Variants in PPIH observed in about 807,000 individuals in gnomAD.
PPIH encodes the protein peptidylprolyl isomerase H, also known as peptidyl-prolyl cis-trans isomerase H.
In PPIH, 16 loss-of-function variants were observed where a neutral mutation model predicts 27.6. The observed-to-expected ratio is 0.58, with a 90% CI of 0.39 to 0.88. The LOEUF (loss-of-function observed/expected upper bound fraction) is 0.88, where lower values mean the gene tolerates loss of function less well. PPIH is among the 40% of genes least tolerant of loss of function. The probability of loss-of-function intolerance (pLI) is 0.00; values close to 1 mark genes in which losing one functional copy is unlikely to be tolerated. For synonymous variants in PPIH, 63 were observed against 76.1 expected, an observed-to-expected ratio of 0.83 and a Z score of 0.90; for missense variants, 155 against 224.1, an observed-to-expected ratio of 0.69 and a Z score of 1.97.
At chr1:42,672,358 T>A (rs937400021) in intron 9 of PPIH, among the ~76,000 whole-genome samples, 4 of 151,996 alleles carry the variant, frequency 2.6e-5, no homozygotes, top group Non-Finnish European at 5.9e-5. Flanking sequence ...AGTCTATCTT[T>A]TAATTGAGAA....
At chr1:42,677,317 T>TTAAAA (rs111580362), downstream of PPIH, among the ~76,000 whole-genome samples, 1 of 151,194 alleles carries the variant, frequency 6.6e-6, no homozygotes, top group African/African-American at 2.4e-5. Flanking sequence ...CTACTAAAAA[T>TTAAAA]AAATTAGCTG....
chr1:42,662,796 G>A (rs1344765351), intron 5 of PPIH, among the ~76,000 whole-genome samples: 2 of 152,018 alleles, frequency 1.3e-5, no homozygotes, highest in African/African-American at 4.8e-5. Context: ...TGGCATTTTG[G>A]TTTACAGTTG....
At chr1:42,665,255 A>G (rs1403384095) in intron 6 of PPIH, among the ~76,000 whole-genome samples, 2 of 152,124 alleles carry the variant, frequency 1.3e-5, no homozygotes, top group Non-Finnish European at 2.9e-5. Flanking sequence ...AATACAAAAA[A>G]TTAGCCAGGT....
chr1:42,667,653 A>C (rs932321326), intron 9 of PPIH, among the ~76,000 whole-genome samples: 2 of 152,214 alleles, frequency 1.3e-5, no homozygotes, highest in African/African-American at 4.8e-5. Flanking sequence ...TGTAAAAATA[A>C]AAAGAGAAAG....
At chr1:42,671,075 C>T (rs752329874) in intron 9 of PPIH, among the ~76,000 whole-genome samples, 31 of 152,192 alleles carry the variant, frequency 2.0e-4, no homozygotes, top group African/African-American at 6.7e-4. Flanking sequence ...GGATTATAGG[C>T]GTGAGCAAAC....
At chr1:42,675,952 C>A (rs751726725) in intron 9 of PPIH, among the ~76,000 whole-genome samples, 1 of 152,192 alleles carries the variant, frequency 6.6e-6, no homozygotes, top group Admixed American at 6.5e-5. Flanking sequence ...CCATGAAACC[C>A]CTTGGGACCC....
intron 9 of PPIH, among the ~76,000 whole-genome samples, chr1:42,669,554 G>A (rs918562501): frequency 4.6e-5 from 7 of 152,170 alleles, no homozygotes; most frequent in African/African-American, 1.4e-4. Context: ...CTCCTAAAGT[G>A]CTAGGATTAC....
chr1:42,667,468 A>G, intron 9 of PPIH, 28 bp downstream of exon 9: 2 of 1,523,802 alleles, frequency 1.3e-6, no homozygotes, highest in South Asian at 2.3e-5. Flanking sequence ...CTATTAGGTT[A>G]GGAATCAGAC....
At chr1:42,659,624 G>A in intron 4 of PPIH, 58 bp downstream of exon 4, 1 of 1,573,940 alleles carries the variant, frequency 6.4e-7, no homozygotes, top group East Asian at 2.2e-5. Context: ...GGGGGATTAG[G>A]CTCTTTAGAG....
At chr1:42,669,431 GAC>G (rs1156317677) in intron 9 of PPIH, among the ~76,000 whole-genome samples, 1 of 152,046 alleles carries the variant, frequency 6.6e-6, no homozygotes, top group African/African-American at 2.4e-5. Flanking sequence ...AAGTAGCTAG[GAC>G]TACAGGTGCA....
At chr1:42,664,831 A>G (rs201797392) in intron 5 of PPIH, 32 bp from the exon 6 acceptor site, 1 of 1,570,520 alleles carries the variant, frequency 6.4e-7, no homozygotes, top group African/African-American at 1.4e-5. Context: ...CCAACACTCC[A>G]AGTCACTAAT....
At chr1:42,667,945 A>T (rs1341323004) in intron 9 of PPIH, among the ~76,000 whole-genome samples, 1 of 152,222 alleles carries the variant, frequency 6.6e-6, no homozygotes, top group Non-Finnish European at 1.5e-5. Flanking sequence ...TCCAGCCTAC[A>T]TGGACTCATT....
downstream of PPIH, among the ~76,000 whole-genome samples, chr1:42,679,850 A>T (rs1044551864): frequency 1.3e-5 from 2 of 152,198 alleles, no homozygotes; most frequent in African/African-American, 4.8e-5. Flanking sequence ...GAATCCACCC[A>T]CTCTCCATAC....
intron 5 of PPIH, among the ~76,000 whole-genome samples, chr1:42,664,348 G>A (rs7552631): frequency 0.3 from 45,492 of 152,082 alleles, 6,978 homozygotes; most frequent in Non-Finnish European, 0.32. Context: ...GATTCCCAGA[G>A]AAGGAACTCT....
chr1:42,667,302 A>G (rs1245269851), intron 8 of PPIH, 49 bp from the exon 9 acceptor site: 5 of 1,509,596 alleles, frequency 3.3e-6, no homozygotes, highest in Non-Finnish European at 4.6e-6. Flanking sequence ...TGATAAGGGA[A>G]CGAGGAAGTG....
rs1234554929 is a variant in PPIH, at chr1:42,665,984, A to ACATCAGC, written c.343_344insTCAGCCA (p.Ser115IlefsTer18). 2 of 1,614,014 alleles carry ACATCAGC rather than the reference A, an allele frequency of 1.2e-6. No homozygotes were observed. Among genetic ancestry groups the ACATCAGC allele is most frequent in the Non-Finnish European group, 1.7e-6 (2 of 1,179,940 alleles). ...GGTATATTTGGTTTCCATCAGGCGA[A>ACATCAGC]CAGTGGTCCAAGTACAAATGGCTGT... is the stretch of plus-strand genomic sequence containing the variant. On this transcript the variant is annotated frameshift_variant, in exon 7 of 10. Transcript: ENST00000304979. LOFTEE classifies it high-confidence loss of function.
At chr1:42,666,615 C>T in intron 8 of PPIH, 28 bp downstream of exon 8, 1 of 1,609,740 alleles carries the variant, frequency 6.2e-7, no homozygotes, top group Non-Finnish European at 8.5e-7. Flanking sequence ...TTTTCTGTTT[C>T]TCTGCCATTG....
intron 5 of PPIH, among the ~76,000 whole-genome samples, chr1:42,663,403 C>CTT (rs916189112): frequency 0.012 from 1,730 of 145,382 alleles, 35 homozygotes; most frequent in African/African-American, 0.041. Flanking sequence ...AAATTCAGAT[C>CTT]TTTTTTTTTT....
chr1:42,669,096 G>C (rs1306099286), intron 9 of PPIH, among the ~76,000 whole-genome samples: 1 of 150,634 alleles, frequency 6.6e-6, no homozygotes, highest in Non-Finnish European at 1.5e-5. Context: ...TGTAGTCCCA[G>C]CTACTCAGGA....
Sources: allele counts gnomAD v4.1 joint callset (sites outside exome capture counted in the v4.1 genomes callset), GRCh38; gene constraint gnomAD v4.1.1; transcripts MANE v1.5; gene names NCBI Gene and HGNC (gene_info 2026-07-23, HGNC 2026-07-21).